The following EML6 variants were observed in gnomAD, a reference collection of about 807,000 sequenced individuals.
EML6 encodes the protein echinoderm microtubule-associated protein-like 6.
Under a neutral mutation model 240.1 loss-of-function variants are expected in EML6, and 154 were observed. The observed-to-expected ratio is 0.64, with a 90% CI of 0.56 to 0.73. The LOEUF (loss-of-function observed/expected upper bound fraction) is 0.73, where lower values mean the gene tolerates loss of function less well. Ranked by LOEUF, EML6 falls within the 30% of genes least tolerant of loss-of-function variation. The probability of loss-of-function intolerance (pLI) is 0.00; values close to 1 mark genes in which losing one functional copy is unlikely to be tolerated. For synonymous variants in EML6, 1,148 were observed against 899.0 expected (o/e 1.28, Z -4.95); for missense variants, 2,964 against 2,474.6 (o/e 1.20, Z -4.20).
intron 2 of EML6, among the ~76,000 whole-genome samples, chr2:54,807,786 G>T (rs1278049620): frequency 6.6e-6 from 1 of 152,144 alleles, no homozygotes; most frequent in Non-Finnish European, 1.5e-5. Context: ...CCTAACAGTG[G>T]CTGTGATTAA....
At chr2:54,851,119 C>G (rs898372599) in intron 10 of EML6, among the ~76,000 whole-genome samples, 4 of 152,062 alleles carry the variant, frequency 2.6e-5, no homozygotes, top group African/African-American at 9.7e-5. Context: ...GAAAGAATAA[C>G]CCAATGAGGC....
chr2:54,765,460 TTTTTA>T (rs1238026521), intron 2 of EML6, among the ~76,000 whole-genome samples: 2 of 152,202 alleles, frequency 1.3e-5, no homozygotes, highest in African/African-American at 4.8e-5. Context: ...CATTCTTTTA[TTTTTA>T]TTTTTATTTT....
chr2:54,885,843 C>T (rs1672100513), intron 17 of EML6, among the ~76,000 whole-genome samples: 1 of 152,020 alleles, frequency 6.6e-6, no homozygotes, highest in Admixed American at 6.6e-5. Context: ...GATCTCCTGA[C>T]CTCGTGATCC....
At chr2:54,924,185 T>C (rs972399417) in intron 26 of EML6, among the ~76,000 whole-genome samples, 1 of 152,230 alleles carries the variant, frequency 6.6e-6, no homozygotes, top group East Asian at 1.9e-4. Flanking sequence ...TTTAAGAAAC[T>C]GCCAGACCTT....
chr2:54,938,239 G>C (rs777909602), intron 28 of EML6, among the ~76,000 whole-genome samples: 2 of 152,092 alleles, frequency 1.3e-5, no homozygotes, highest in Admixed American at 6.6e-5. Flanking sequence ...ACAGCTACTC[G>C]GGAGGCTGAG....
intron 2 of EML6, among the ~76,000 whole-genome samples, chr2:54,730,962 G>T (rs554503695): frequency 4.6e-5 from 7 of 152,320 alleles, no homozygotes; most frequent in African/African-American, 1.7e-4. Flanking sequence ...ACTATAGATT[G>T]TGATAAGTGC....
At chr2:54,806,786 T>C (rs2104004773) in intron 2 of EML6, among the ~76,000 whole-genome samples, 1 of 152,270 alleles carries the variant, frequency 6.6e-6, no homozygotes, top group African/African-American at 2.4e-5. Flanking sequence ...TAAGTACTCA[T>C]AGTACCTACT....
rs1673165168 is a variant in EML6, at chr2:54,903,455, G to GT, written c.3363dup (p.Lys1122Ter). The GT allele has an allele frequency of 6.4e-7, 1 of 1,551,770 alleles. No individual in the cohort carries two copies. The highest frequency in any genetic ancestry group is 2.0e-5 in the Admixed American group (1 of 50,972). ...CTTACAAGCAAAAGGGTTGGCATCT[G>GT]TAAAGGTGCTTCTAGTTATATTACA... On this transcript the variant is annotated frameshift_variant, in exon 24 of 42. Coordinates refer to ENST00000356458, the MANE Select transcript of EML6 (RefSeq NM_001039753.4). LOFTEE classifies it high-confidence loss of function.
At chr2:54,912,577 C>CA (rs1673700175) in intron 25 of EML6, among the ~76,000 whole-genome samples, 1 of 152,150 alleles carries the variant, frequency 6.6e-6, no homozygotes, top group Non-Finnish European at 1.5e-5. Context: ...CTCTGCCCCC[C>CA]AGGAATCCCC....
At chr2:54,848,208 T>C (rs1184273129) in intron 9 of EML6, among the ~76,000 whole-genome samples, 1 of 152,184 alleles carries the variant, frequency 6.6e-6, no homozygotes, top group African/African-American at 2.4e-5. Context: ...CCTATATACT[T>C]TTTACTGAAA....
Position 54,792,287 on chromosome 2 carries a change from C to G in EML6, c.198-20945C>G, listed in dbSNP as rs952756467. ...AATTGTAGCCTAATTTATTAATGCC[C>G]CCTGGGCTTCCCCTATATTATTGGT... On this transcript the variant is annotated intron_variant, in intron 2 of 41. Transcript: ENST00000356458. Among the ~76,000 whole-genome samples the G allele has an allele frequency of 4.6e-5, 7 of 152,100 alleles. No individual in the cohort carries two copies. The East Asian group carries it at 1.4e-3, about 29-fold the overall frequency.
intron 12 of EML6, among the ~76,000 whole-genome samples, chr2:54,863,177 G>T (rs1670773654): frequency 6.6e-6 from 1 of 152,218 alleles, no homozygotes; most frequent in South Asian, 2.1e-4. Context: ...GGTGGGCATG[G>T]TTAAAAGGCT....
intron 11 of EML6, among the ~76,000 whole-genome samples, chr2:54,857,681 T>G (rs1670460318): frequency 6.6e-6 from 1 of 152,222 alleles, no homozygotes; most frequent in African/African-American, 2.4e-5. Flanking sequence ...CTTGCTGTTG[T>G]GGTTTCATTT....
chr2:54,939,904 C>T (rs1675341846), intron 28 of EML6, among the ~76,000 whole-genome samples: 3 of 152,198 alleles, frequency 2.0e-5, no homozygotes, highest in Non-Finnish European at 2.9e-5. Context: ...GCCATCTCAG[C>T]GGCCCGGCAC....
Position 54,868,917 on chromosome 2 carries a change from C to T in EML6, c.2052-264C>T. ...CATCACAGATGTGTTCTCAGATGATCGTTTTTAAGAAAAAGCGCACACAAC... is the reference window on the plus strand; with the variant it reads ...CATCACAGATGTGTTCTCAGATGATTGTTTTTAAGAAAAAGCGCACACAAC... On this transcript the variant is annotated intron_variant, in intron 14 of 41. Transcript: ENST00000356458. 9.8e-6 allele frequency: 4 copies of T among 407,660 alleles called. No homozygotes were observed. In the South Asian group the frequency reaches 1.7e-4, roughly 17 times the overall value. 25.3% of individuals were successfully genotyped at this position (407,660 alleles called of 1,614,324 possible). A position where few individuals can be genotyped will look rare whatever the true frequency, so the allele number is the denominator to read the frequency against.
At chr2:54,901,330 G>C (rs1673046895) in intron 22 of EML6, among the ~76,000 whole-genome samples, 1 of 152,136 alleles carries the variant, frequency 6.6e-6, no homozygotes, top group Non-Finnish European at 1.5e-5. Flanking sequence ...CTGGGGATTG[G>C]TAAATGGTGG....
intron 2 of EML6, among the ~76,000 whole-genome samples, chr2:54,775,722 T>A (rs1372435663): frequency 6.6e-6 from 1 of 152,108 alleles, no homozygotes; most frequent in Non-Finnish European, 1.5e-5. Flanking sequence ...CTCCACAAAT[T>A]TTTGCAAGTG....
chr2:54,767,526 A>G (rs1033109297), intron 2 of EML6, among the ~76,000 whole-genome samples: 4 of 151,716 alleles, frequency 2.6e-5, no homozygotes, highest in Non-Finnish European at 4.4e-5. Flanking sequence ...GTCTATTGCA[A>G]TTTAGTTCTG....
chr2:54,862,931 C>T (rs986722202), intron 12 of EML6, among the ~76,000 whole-genome samples: 1 of 152,176 alleles, frequency 6.6e-6, no homozygotes, highest in Non-Finnish European at 1.5e-5. Context: ...TGGGTCTGTT[C>T]AGTCAGGCTG....
Sources: allele counts gnomAD v4.1 joint callset (sites outside exome capture counted in the v4.1 genomes callset), GRCh38; gene constraint gnomAD v4.1.1; transcripts MANE v1.5; gene names NCBI Gene and HGNC (gene_info 2026-07-23, HGNC 2026-07-21).